Variants in HPSE2 observed in about 807,000 individuals in gnomAD.
HPSE2 encodes heparanase 2 (inactive).
Under a neutral mutation model 60.5 loss-of-function variants are expected in HPSE2, and 38 were observed. That is an observed-to-expected ratio of 0.63 (90% confidence interval 0.48 to 0.82). The LOEUF (loss-of-function observed/expected upper bound fraction) is 0.82, where lower values mean the gene tolerates loss of function less well. Ranked by LOEUF, HPSE2 falls within the 40% of genes least tolerant of loss-of-function variation. The pLI is 0.00. For missense variants in HPSE2, 713 were observed against 740.4 expected, an observed-to-expected ratio of 0.96 and a Z score of 0.43; for synonymous variants, 295 against 293.2, an observed-to-expected ratio of 1.01 and a Z score of -0.06.
At chr10:99,154,786 C>A (rs898143052) in intron 2 of HPSE2, among the ~76,000 whole-genome samples, 4 of 151,752 alleles carry the variant, frequency 2.6e-5, no homozygotes, top group African/African-American at 9.7e-5. Context: ...CTAAATGCTC[C>A]AATTAAAAGA....
chr10:99,132,876 C>T (rs191165559), intron 3 of HPSE2, among the ~76,000 whole-genome samples: 4 of 152,290 alleles, frequency 2.6e-5, no homozygotes, highest in Admixed American at 2.6e-4. Context: ...GCCTGAAACG[C>T]CAGCGAGACA....
chr10:99,108,001 T>C (rs1191116446), intron 3 of HPSE2, among the ~76,000 whole-genome samples: 1 of 152,186 alleles, frequency 6.6e-6, no homozygotes, highest in Non-Finnish European at 1.5e-5. Context: ...CTTTTTCAAT[T>C]AGGATATAAA....
chr10:99,155,113 G>C (rs1370638493), intron 2 of HPSE2, among the ~76,000 whole-genome samples: 2 of 139,278 alleles, frequency 1.4e-5, no homozygotes, highest in Admixed American at 1.5e-4. Flanking sequence ...CAAGTCCTGA[G>C]TGACCTACAA....
At chr10:98,512,041 A>G (rs1173066265) in intron 9 of HPSE2, among the ~76,000 whole-genome samples, 1 of 152,246 alleles carries the variant, frequency 6.6e-6, no homozygotes, top group African/African-American at 2.4e-5. Context: ...GAGAGCCAAG[A>G]AGAAATGGAG....
intron 4 of HPSE2, among the ~76,000 whole-genome samples, chr10:98,736,265 C>T (rs1949356372): frequency 6.6e-6 from 1 of 151,580 alleles, no homozygotes; most frequent in Admixed American, 6.6e-5. Context: ...TGCCTTTCAC[C>T]TTCTGCCATG....
chr10:99,213,212 A>G lies in HPSE2; in HGVS notation c.448+19136T>C, dbSNP rs1034072969. On this transcript the variant is annotated intron_variant, in intron 2 of 11. Coordinates refer to ENST00000370552, the MANE Select transcript of HPSE2 (RefSeq NM_021828.5). ...TTTTTTTTCTACCTTAAGAAAAAAT[A>G]AGACTTCTAAGGTAAGTCCAAAATG... 1.4e-4 allele frequency among the ~76,000 whole-genome samples: 22 copies of G among 152,300 alleles called. No homozygotes were observed. The East Asian group carries it at 4.0e-3, about 28-fold the overall frequency.
chr10:98,493,338 A>T (rs1437940948), intron 9 of HPSE2, among the ~76,000 whole-genome samples: 1 of 151,752 alleles, frequency 6.6e-6, no homozygotes, highest in African/African-American at 2.4e-5. Flanking sequence ...ATGTTGTTTA[A>T]CTCCTCTACT....
At chr10:99,256,693 T>C in the HPSE2 span, among the ~76,000 whole-genome samples, 1 of 152,298 alleles carries the variant, frequency 6.6e-6, no homozygotes, top group African/African-American at 2.4e-5. Flanking sequence ...ACAACATGAA[T>C]GTCTTTATAG....
chr10:98,863,090 A>G (rs1356271582), intron 3 of HPSE2, among the ~76,000 whole-genome samples: 1 of 152,166 alleles, frequency 6.6e-6, no homozygotes, highest in African/African-American at 2.4e-5. Context: ...AGTGGAAAGG[A>G]AAATCCTTGA....
At chr10:99,184,923 T>C (rs1181232104) in intron 2 of HPSE2, among the ~76,000 whole-genome samples, 1 of 147,298 alleles carries the variant, frequency 6.8e-6, no homozygotes, top group African/African-American at 2.5e-5. Context: ...TTATATTAAC[T>C]GGCCTAACAT....
At chr10:98,935,758 A>C (rs185734979) in intron 3 of HPSE2, among the ~76,000 whole-genome samples, 1 of 145,004 alleles carries the variant, frequency 6.9e-6, no homozygotes, top group East Asian at 2.0e-4. Context: ...GACAGAAGGC[A>C]TGGGGTCAGG....
chr10:98,594,899 G>C (rs1255793438), intron 9 of HPSE2, among the ~76,000 whole-genome samples: 1 of 152,072 alleles, frequency 6.6e-6, no homozygotes, highest in African/African-American at 2.4e-5. Context: ...AATAATGACT[G>C]TACTAATTTA....
intron 3 of HPSE2, among the ~76,000 whole-genome samples, chr10:98,980,121 G>C (rs908038494): frequency 6.6e-6 from 1 of 152,110 alleles, no homozygotes; most frequent in African/African-American, 2.4e-5. Context: ...AGAGATCTTG[G>C]CTAAAACCCG....
intron 2 of HPSE2, among the ~76,000 whole-genome samples, chr10:99,221,178 T>G (rs1364749978): frequency 6.6e-6 from 1 of 152,142 alleles, no homozygotes; most frequent in Non-Finnish European, 1.5e-5. Flanking sequence ...ACATATTATT[T>G]AATGAGAGTA....
intron 6 of HPSE2, among the ~76,000 whole-genome samples, chr10:98,692,412 A>G (rs991407761): frequency 1.3e-5 from 2 of 152,192 alleles, no homozygotes; most frequent in Admixed American, 6.5e-5. Context: ...AAGGAGAGAC[A>G]TTGTGGGTTT....
intron 3 of HPSE2, among the ~76,000 whole-genome samples, chr10:98,980,671 G>C (rs904931648): frequency 6.6e-6 from 1 of 152,126 alleles, no homozygotes; most frequent in African/African-American, 2.4e-5. Context: ...TCCTAAGTTA[G>C]GTTTACAGTC....
At chr10:99,032,922 T>G (rs923663385) in intron 3 of HPSE2, among the ~76,000 whole-genome samples, 1 of 152,342 alleles carries the variant, frequency 6.6e-6, no homozygotes, top group Non-Finnish European at 1.5e-5. Flanking sequence ...GTGATTACAC[T>G]GGATCTACCT....
intron 9 of HPSE2, among the ~76,000 whole-genome samples, chr10:98,536,202 G>T (rs1341103867): frequency 6.6e-6 from 1 of 152,184 alleles, no homozygotes; most frequent in Non-Finnish European, 1.5e-5. Context: ...CAGGTGGAAT[G>T]GACAACAGAA....
intron 2 of HPSE2, among the ~76,000 whole-genome samples, chr10:99,184,819 T>TATATATATAG (rs1554912295): frequency 3.0e-4 from 6 of 19,862 alleles, no homozygotes; most frequent in Non-Finnish European, 3.9e-4. Context: ...TATATATATA[T>TATATATATAG]AGAGAGAGAG....
Sources: gnomAD v4.1 joint callset for allele counts (sites outside exome capture counted in the v4.1 genomes callset) on GRCh38, gnomAD v4.1.1 for gene constraint, MANE v1.5 for transcripts, NCBI Gene and HGNC (gene_info 2026-07-23, HGNC 2026-07-21) for gene names.